Variants in ADGRV1 observed in about 807,000 individuals in gnomAD.
The protein encoded by ADGRV1 is G-protein coupled receptor 98.
A neutral mutation model predicts 596.2 loss-of-function variants in ADGRV1; 359 were observed. That is an observed-to-expected ratio of 0.60 (90% CI 0.55 to 0.66). The LOEUF is 0.66. Among genes scored for constraint, ADGRV1 ranks in the 30% least tolerant of loss-of-function variants. The pLI is 0.00. For synonymous variants in ADGRV1, 2,681 were observed against 2,679.2 expected (o/e 1.00, Z -0.02); for missense variants, 7,274 against 7,575.6 (o/e 0.96, Z 1.48).
intron 33 of ADGRV1, among the ~76,000 whole-genome samples, chr5:90,695,447 C>G (rs1747060443): frequency 6.6e-6 from 1 of 151,894 alleles, no homozygotes; most frequent in African/African-American, 2.4e-5. Flanking sequence ...TTGATTACAT[C>G]CTCATTTGGG....
intron 6 of ADGRV1, chr5:90,625,495 T>A: frequency 3.3e-6 from 1 of 303,130 alleles, no homozygotes; most frequent in Non-Finnish European, 6.0e-6. Context: ...GGTAATCAAT[T>A]TTTGTTAGTG....
chr5:90,582,302 C>T (rs1237197642), intron 1 of ADGRV1, among the ~76,000 whole-genome samples: 1 of 151,992 alleles, frequency 6.6e-6, no homozygotes, highest in Non-Finnish European at 1.5e-5. Flanking sequence ...TGAAATCTCC[C>T]ACTATTTTTG....
chr5:91,036,670 C>A (rs1455293958), intron 85 of ADGRV1, among the ~76,000 whole-genome samples: 1 of 151,908 alleles, frequency 6.6e-6, no homozygotes, highest in East Asian at 1.9e-4. Context: ...CTGAAGTGAC[C>A]TATGATTGTT....
chr5:91,062,363 G>A (rs1787513204), intron 85 of ADGRV1, among the ~76,000 whole-genome samples: 1 of 152,186 alleles, frequency 6.6e-6, no homozygotes, highest in Admixed American at 6.5e-5. Context: ...TAAGTCAGGG[G>A]CAAGCAAGAA....
chr5:90,601,007 C>T (rs921450663), intron 1 of ADGRV1, among the ~76,000 whole-genome samples: 4 of 152,038 alleles, frequency 2.6e-5, no homozygotes, highest in Non-Finnish European at 5.9e-5. Flanking sequence ...GAGGCCGAGG[C>T]GGGTGGATCA....
At chr5:91,041,899 T>A (rs888060980) in intron 85 of ADGRV1, among the ~76,000 whole-genome samples, 2 of 152,220 alleles carry the variant, frequency 1.3e-5, no homozygotes, top group African/African-American at 2.4e-5. Context: ...ATGCATATTA[T>A]GTTAGTTTTT....
At chr5:90,582,482 A>C (rs1758198327) in intron 1 of ADGRV1, among the ~76,000 whole-genome samples, 1 of 152,072 alleles carries the variant, frequency 6.6e-6, no homozygotes, top group African/African-American at 2.4e-5. Context: ...ATTGGTTTAA[A>C]GTCTGTTTTA....
intron 89 of ADGRV1, among the ~76,000 whole-genome samples, chr5:91,162,080 T>C (rs1796996117): frequency 6.6e-6 from 1 of 152,170 alleles, no homozygotes; most frequent in Admixed American, 6.5e-5. Context: ...TAACACTCGT[T>C]CTTGAGAAGG....
At chr5:90,946,609 TC>T (rs1309441553) in intron 83 of ADGRV1, among the ~76,000 whole-genome samples, 1 of 151,874 alleles carries the variant, frequency 6.6e-6, no homozygotes, top group Non-Finnish European at 1.5e-5. Flanking sequence ...ATGCTCTCCC[TC>T]CCCCCACTCC....
intron 21 of ADGRV1, among the ~76,000 whole-genome samples, chr5:90,664,919 T>C (rs1319553396): frequency 1.3e-5 from 2 of 151,604 alleles, no homozygotes; most frequent in African/African-American, 4.9e-5. Context: ...ATTACATTTA[T>C]TAATTTGCGT....
intron 70 of ADGRV1, among the ~76,000 whole-genome samples, chr5:90,793,906 T>C (rs536511102): frequency 4.6e-5 from 7 of 152,320 alleles, no homozygotes; most frequent in African/African-American, 1.7e-4. Flanking sequence ...TCCAGGATTG[T>C]GGTGTAAGAC....
At chr5:91,130,779 A>G (rs1456247647) in intron 87 of ADGRV1, among the ~76,000 whole-genome samples, 1 of 152,158 alleles carries the variant, frequency 6.6e-6, no homozygotes, top group African/African-American at 2.4e-5. Context: ...TTACCCCTTC[A>G]TCCTTCCCCC....
At chr5:90,988,486 CT>C (rs1015959812) in intron 85 of ADGRV1, among the ~76,000 whole-genome samples, 7 of 152,260 alleles carry the variant, frequency 4.6e-5, no homozygotes, top group Admixed American at 1.3e-4. Flanking sequence ...ACTTTTCCCC[CT>C]GTACGTTGTT....
intron 89 of ADGRV1, among the ~76,000 whole-genome samples, chr5:91,154,159 A>G (rs1304133044): frequency 1.3e-5 from 2 of 152,254 alleles, no homozygotes; most frequent in African/African-American, 2.4e-5. Context: ...GAGTTTTCAA[A>G]TCAAATATGC....
chr5:91,149,556 G>A (rs1042181982), intron 87 of ADGRV1, among the ~76,000 whole-genome samples: 2 of 151,996 alleles, frequency 1.3e-5, no homozygotes, highest in Non-Finnish European at 2.9e-5. Context: ...TCTTGGCTGG[G>A]CACGGTGGCT....
intron 83 of ADGRV1, among the ~76,000 whole-genome samples, chr5:90,959,995 T>C (rs573366143): frequency 8.6e-4 from 131 of 151,856 alleles, no homozygotes; most frequent in African/African-American, 2.4e-3. Flanking sequence ...AAAAATTAGC[T>C]GGGCATGGTG....
intron 89 of ADGRV1, among the ~76,000 whole-genome samples, chr5:91,154,374 C>T (rs1218595235): frequency 6.6e-6 from 1 of 152,146 alleles, no homozygotes; most frequent in Non-Finnish European, 1.5e-5. Flanking sequence ...AAACATTTTT[C>T]TTTATTATTT....
intron 79 of ADGRV1, among the ~76,000 whole-genome samples, chr5:90,849,777 A>G (rs542105159): frequency 9.2e-5 from 14 of 152,350 alleles, no homozygotes; most frequent in South Asian, 6.2e-4. Context: ...AAGGAATAAA[A>G]TAATAATGAT....
At chr5:90,650,008 C>T (rs368627342) in intron 17 of ADGRV1, among the ~76,000 whole-genome samples, 48 of 152,258 alleles carry the variant, frequency 3.2e-4, no homozygotes, top group African/African-American at 9.4e-4. Flanking sequence ...CAATTACTTT[C>T]GTTAAGAAGG....
Sources: gnomAD v4.1 joint callset for allele counts (sites outside exome capture counted in the v4.1 genomes callset) on GRCh38, gnomAD v4.1.1 for gene constraint, MANE v1.5 for transcripts, NCBI Gene and HGNC (gene_info 2026-07-23, HGNC 2026-07-21) for gene names.